The following ZNF668 variants were observed in gnomAD, a reference collection of about 807,000 sequenced individuals.
ZNF668 encodes zinc finger protein 668.
ZNF668 carries 10 observed loss-of-function variants against 40.3 expected under a neutral mutation model. That is an observed-to-expected ratio of 0.25 (90% CI 0.15 to 0.42). The LOEUF is 0.42. Ranked by LOEUF, ZNF668 falls within the 10% of genes least tolerant of loss-of-function variation. The pLI is 1.00. For missense variants in ZNF668, 749 were observed against 904.6 expected (o/e 0.83, Z 2.21); for synonymous variants, 428 against 384.6 (o/e 1.11, Z -1.32).
rs1022042266 is a variant in ZNF668 at position 31,064,450 on chromosome 16, C to G, written c.10G>C (p.Glu4Gln). The change falls in exon 2 of 3, where the codon GAG becomes CAG. Residue 4 changes from glutamate (E) to glutamine (Q), a missense_variant. Glu to Gln is a conservative substitution (Grantham distance 29, BLOSUM62 2). Around this residue, in one of 4 missense-constraint regions of ZNF668, gnomAD observed 159 missense variants for 139.8 expected, o/e 1.14. Transcript: ENST00000300849. MEVEAAEARSPAPG... is the reference protein window; with the variant it reads MEVQAAEARSPAPG... The stretch of plus-strand genomic sequence containing the variant: ...GCTGGGGACCGGGCCTCTGCAGCCT[C>G]CACTTCCATGGCCTTGGTGAACGGG... The G allele has an allele frequency of 6.8e-6, 11 of 1,610,402 alleles. No homozygotes were observed. Among genetic ancestry groups the G allele is most frequent in the Non-Finnish European group, 8.5e-6 (10 of 1,179,846 alleles).
At chr16:31,071,318 C>CATCA (rs2057014714) in intron 1 of ZNF668, among the ~76,000 whole-genome samples, 1 of 152,064 alleles carries the variant, frequency 6.6e-6, no homozygotes, top group African/African-American at 2.4e-5. Flanking sequence ...AGGCGAAAGC[C>CATCA]ATCACACCTG....
intron 1 of ZNF668, among the ~76,000 whole-genome samples, chr16:31,070,206 C>T (rs1221284175): frequency 6.6e-6 from 1 of 151,874 alleles, no homozygotes; most frequent in African/African-American, 2.4e-5. Context: ...GTGTGAGCCA[C>T]CGCGCCCGGC....
At chr16:31,062,314 A>G in intron 2 of ZNF668, 34 bp from the exon 3 acceptor site, 1 of 1,561,718 alleles carries the variant, frequency 6.4e-7, no homozygotes. Flanking sequence ...CATGAAGGCG[A>G]CAGACCCATA....
rs756752038 is a variant in ZNF668 at position 31,064,474 on chromosome 16, G to C, written c.-15C>G. On this transcript the variant is annotated 5_prime_UTR_variant, in exon 2 of 3. Coordinates refer to ENST00000300849, the MANE Select transcript of ZNF668 (RefSeq NM_024706.5). Reference sequence around the variant, plus strand: ...TCCACTTCCATGGCCTTGGTGAACGGGGTTTCTCTGCAAGAGAAGCAAAGT... The same window carrying C: ...TCCACTTCCATGGCCTTGGTGAACGCGGTTTCTCTGCAAGAGAAGCAAAGT... 8.2e-5 allele frequency: 132 copies of C among 1,606,466 alleles called. No homozygotes were observed. Among genetic ancestry groups the C allele is most frequent in the Non-Finnish European group, 1.1e-4 (128 of 1,179,780 alleles).
chr16:31,070,830 C>T (rs763710831), intron 1 of ZNF668, among the ~76,000 whole-genome samples: 1 of 151,944 alleles, frequency 6.6e-6, no homozygotes, highest in Admixed American at 6.6e-5. Flanking sequence ...CATGAGCCAC[C>T]GTGCCTGGCT....
chr16:31,066,108 G>A, intron 1 of ZNF668: 1 of 985,424 alleles, frequency 1.0e-6, no homozygotes, highest in Non-Finnish European at 1.2e-6. Context: ...CCTTCTGCCT[G>A]AAATCCCGGC....
In ZNF668 at chr16:31,061,926, C is replaced by T; in HGVS notation, c.1002G>A (p.Arg334=). Residue 334 remains arginine, a synonymous_variant, in exon 3 of 3, where the codon CGG becomes CGA. Transcript: ENST00000300849. The surrounding 1 kb of genome is among the most constrained non-coding windows in gnomAD (Gnocchi z 7.7). ...AMHRRVHTGD[R]PFKCLQCDKT... ...TGTCACATTGCAGGCACTTGAACGG[C>T]CGGTCGCCTGTGTGCACACGCCGGT... The T allele has an allele frequency of 6.2e-7, 1 of 1,613,476 alleles. No individual in the cohort carries two copies. The highest frequency in any genetic ancestry group is 8.5e-7 in the Non-Finnish European group (1 of 1,179,786).
chr16:31,064,736 C>G lies in ZNF668; in HGVS notation c.-22-255G>C, dbSNP rs1017047172. The G allele has an allele frequency of 1.4e-5, 22 of 1,523,566 alleles. No homozygotes were observed. The African/African-American group carries it at 1.8e-4, about 12-fold the overall frequency. 94.4% of individuals were successfully genotyped at this position (1,523,566 alleles called of 1,614,324 possible). On this transcript the variant is annotated intron_variant, in intron 1 of 2. Coordinates refer to ENST00000300849, the MANE Select transcript of ZNF668 (RefSeq NM_024706.5). ...AAAGATTCACCTACACGTCCCCCCCCGCCCCCAACGGGCTTTTCCAAACAC... is the reference window on the plus strand; with the variant it reads ...AAAGATTCACCTACACGTCCCCCCCGGCCCCCAACGGGCTTTTCCAAACAC...
rs143312838 is a variant in ZNF668, at chr16:31,063,483, T to C, written c.647+330A>G. ...GAGAAAAAGAAAAAAAAAAATGACC[T>C]AGACAAACCAGGCCCCACTCACACC... On this transcript the variant is annotated intron_variant, in intron 2 of 2. Coordinates refer to ENST00000300849, the MANE Select transcript of ZNF668 (RefSeq NM_024706.5). Among the ~76,000 whole-genome samples, 6 of 151,254 alleles carry C rather than the reference T, an allele frequency of 4.0e-5. No homozygotes were observed. The East Asian group carries it at 1.2e-3, about 29-fold the overall frequency.
chr16:31,065,195 G>C, intron 1 of ZNF668: 2 of 927,984 alleles, frequency 2.2e-6, no homozygotes, highest in South Asian at 4.8e-5. Context: ...GCCTCTTTCT[G>C]AGTCATAACT....
At position 31,066,989 on chromosome 16, in the gene ZNF668, G is replaced by A. The variant is rs140985528; in HGVS notation, c.-22-2508C>T. Among the ~76,000 whole-genome samples, 1,306 of 152,096 alleles carry A rather than the reference G, an allele frequency of 8.6e-3. 9 individuals carry two copies. Among genetic ancestry groups the A allele is most frequent in the Non-Finnish European group, 0.016 (1,060 of 67,986 alleles). ...TGAGCCCAGGAGTTCAAGACAAGGC[G>A]GGTGGATCCCTTGAGCCCAGGAGTT... is the stretch of plus-strand genomic sequence containing the variant. On this transcript the variant is annotated intron_variant, in intron 1 of 2. Coordinates refer to ENST00000300849, the MANE Select transcript of ZNF668 (RefSeq NM_024706.5).
intron 1 of ZNF668, chr16:31,065,208 T>C (rs186626964): frequency 2.1e-5 from 19 of 892,974 alleles, no homozygotes; most frequent in Admixed American, 5.7e-5. Context: ...TCATAACTGA[T>C]GTATCTGATC....
chr16:31,069,861 G>A (rs2057003052), intron 1 of ZNF668, among the ~76,000 whole-genome samples: 2 of 116,922 alleles, frequency 1.7e-5, no homozygotes, highest in South Asian at 3.0e-4. Flanking sequence ...TGCAAGCTCC[G>A]CCTCCCGGGT....
intron 1 of ZNF668, among the ~76,000 whole-genome samples, chr16:31,070,570 C>T (rs997943567): frequency 6.6e-6 from 1 of 150,468 alleles, no homozygotes; most frequent in Middle Eastern, 3.4e-3. Flanking sequence ...GACAGAGTTT[C>T]ACTCTTGTTG....
intron 1 of ZNF668, among the ~76,000 whole-genome samples, chr16:31,068,239 A>AAAAAAAAAAAAAAAAAT (rs1473353128): frequency 2.4e-5 from 2 of 83,012 alleles, no homozygotes; most frequent in African/African-American, 5.0e-5. Flanking sequence ...AAAAAAAAAA[A>AAAAAAAAAAAAAAAAAT]ATATATATAT....
intron 1 of ZNF668, chr16:31,066,458 G>A (rs953219190): frequency 1.3e-6 from 1 of 788,586 alleles, no homozygotes; most frequent in African/African-American, 1.9e-5. Flanking sequence ...GTGGGAGGCT[G>A]AGGCGGGAGG....
intron 1 of ZNF668, among the ~76,000 whole-genome samples, chr16:31,067,577 G>A (rs2056987648): frequency 6.6e-6 from 1 of 152,152 alleles, no homozygotes; most frequent in Admixed American, 6.6e-5. Context: ...AGTTGGGTGA[G>A]GAATGAATGA....
chr16:31,064,735 C>G (rs2056969218), intron 1 of ZNF668: 1 of 1,524,490 alleles, frequency 6.6e-7, no homozygotes, highest in African/African-American at 1.4e-5. Context: ...ACGTCCCCCC[C>G]CGCCCCCAAC....
At position 31,061,180 on chromosome 16, in the gene ZNF668, C is replaced by G; in HGVS notation, c.1748G>C (p.Ser583Thr). ...TTCATGCTTGCGCAAGTCGCTGGCA[C>G]TCAAGAAGGCCTTGGGACAATGGGG... ...TCPHCPKAFL[S>T]ASDLRKHERT... The change falls in exon 3 of 3, where the codon AGT becomes ACT. Residue 583 changes from serine to threonine, a missense_variant. Ser to Thr is a moderately conservative substitution (Grantham distance 58). This residue lies in a region of ZNF668 where 310 missense variants were observed against 355.1 expected (regional missense o/e 0.87). Coordinates refer to ENST00000300849, the MANE Select transcript of ZNF668 (RefSeq NM_024706.5). The surrounding 1 kb of genome is among the most constrained non-coding windows in gnomAD (Gnocchi z 7.7). 1 of 1,518,046 alleles carries G rather than the reference C, an allele frequency of 6.6e-7. No individual in the cohort carries two copies. The allele number at this position is 1,518,046 out of a possible 1,614,324, so 94.0% of individuals were successfully genotyped here.
Sources: allele counts gnomAD v4.1 joint callset (sites outside exome capture counted in the v4.1 genomes callset), GRCh38; gene constraint gnomAD v4.1.1; regional missense constraint gnomAD v4.1.1; non-coding constraint Gnocchi (gnomAD v3.1); transcripts MANE v1.5; gene names NCBI Gene and HGNC (gene_info 2026-07-23, HGNC 2026-07-21).